Variants in DDX51 observed in about 807,000 individuals in gnomAD.
DDX51 encodes the protein ATP-dependent RNA helicase DDX51.
A neutral mutation model predicts 74.6 loss-of-function variants in DDX51; 67 were observed. That is an observed-to-expected ratio of 0.90 (90% CI 0.74 to 1.10). The LOEUF (loss-of-function observed/expected upper bound fraction) is 1.10, where lower values mean the gene tolerates loss of function less well. Among genes scored for constraint, DDX51 ranks in the 50% least tolerant of loss-of-function variants. The pLI is 0.00. For synonymous variants in DDX51, 545 were observed against 402.9 expected, an observed-to-expected ratio of 1.35 and a Z score of -4.22; for missense variants, 1,056 against 905.2, an observed-to-expected ratio of 1.17 and a Z score of -2.14.
At position 132,142,436 on chromosome 12, in the gene DDX51, G is replaced by T; in HGVS notation, c.671-14C>A. 6.2e-7 allele frequency: 1 copy of T among 1,610,074 alleles called. No homozygotes were observed. ...CAGCTGCCTGGACTGGATGAGGAAA[G>T]GCGAGAGAGAAGTCGTGTTTACGCC... On this transcript the variant is annotated splice_polypyrimidine_tract_variant and intron_variant, in intron 3 of 14. Transcript: ENST00000397333.
chr12:132,141,169 T>C (rs1897443195), intron 8 of DDX51, 106 bp downstream of exon 8: 2 of 1,503,196 alleles, frequency 1.3e-6, no homozygotes, highest in African/African-American at 1.4e-5. Context: ...TGCGGTTCTG[T>C]GCACCAGAGC....
Position 132,141,313 on chromosome 12 carries a change from C to T in DDX51, c.1212G>A (p.Leu404=), listed in dbSNP as rs1167259614. Residue 404 remains leucine, a synonymous_variant, in exon 8 of 15, where the codon CTG becomes CTA. Coordinates refer to ENST00000397333, the MANE Select transcript of DDX51 (RefSeq NM_175066.4). ...QSEDPADPCA[L]LQRRQAQAVT... is the part of the protein sequence containing the mutation. The stretch of plus-strand genomic sequence containing the variant: ...CAGCCTGGGCCTGCCTTCGCTGGAG[C>T]AGGGCACAGGGGTCCGCGGGGTCCT... 2 of 1,598,192 alleles carry T rather than the reference C, an allele frequency of 1.3e-6. No homozygotes were observed. Among genetic ancestry groups the T allele is most frequent in the East Asian group, 2.2e-5 (1 of 44,848 alleles).
At position 132,139,985 on chromosome 12, in the gene DDX51, G is replaced by A. The variant is rs189746991; in HGVS notation, c.1776-61C>T. The A allele has an allele frequency of 2.6e-5, 42 of 1,610,454 alleles. No individual in the cohort carries two copies. In the East Asian group the frequency reaches 4.7e-4, roughly 18 times the overall value. ...TGAGCCTTCAAGAGTCTGACGGAAC[G>A]ACAGCTTCTCTCCACACCAACCCCA... On this transcript the variant is annotated intron_variant, in intron 12 of 14. Coordinates refer to ENST00000397333, the MANE Select transcript of DDX51 (RefSeq NM_175066.4).
intron 5 of DDX51, 61 bp downstream of exon 5, chr12:132,142,058 G>C: frequency 2.5e-6 from 4 of 1,588,874 alleles, no homozygotes; most frequent in Non-Finnish European, 3.4e-6. Flanking sequence ...GCTGATCGCT[G>C]TGCACTCAGC....
Position 132,137,484 on chromosome 12 carries a change from G to C in DDX51, c.*1788C>G, listed in dbSNP as rs537158511. On this transcript the variant is annotated 3_prime_UTR_variant, in exon 15 of 15. Coordinates refer to ENST00000397333, the MANE Select transcript of DDX51 (RefSeq NM_175066.4). The stretch of plus-strand genomic sequence containing the variant: ...CCTAAATCATTTCTTTCTGCCTCCT[G>C]TAACAGTCGCCTTTTGTGTTCTGCT... 2.6e-5 allele frequency: 4 copies of C among 152,364 alleles called. No individual in the cohort carries two copies. Among genetic ancestry groups the C allele is most frequent in the African/African-American group, 9.6e-5 (4 of 41,570 alleles). 9.4% of individuals were successfully genotyped at this position (152,364 alleles called of 1,614,324 possible).
chr12:132,141,053 C>A (rs755455585), intron 8 of DDX51, 33 bp from the exon 9 acceptor site: 2 of 1,561,848 alleles, frequency 1.3e-6, no homozygotes, highest in South Asian at 1.2e-5. Context: ...TGGCACCCTA[C>A]CAGTGGCTGC....
At chr12:132,143,971 G>A (rs1025279121) in intron 1 of DDX51, 22 bp downstream of exon 1, 1 of 1,431,346 alleles carries the variant, frequency 7.0e-7, no homozygotes, top group Non-Finnish European at 9.1e-7. Flanking sequence ...CCCAGAGGGA[G>A]CCCGCTCGCC....
chr12:132,141,732 T>C, intron 6 of DDX51, 118 bp downstream of exon 6: 6 of 1,454,870 alleles, frequency 4.1e-6, no homozygotes, highest in Non-Finnish European at 5.6e-6. Flanking sequence ...GAGCTCCTCC[T>C]CTTCACGGGA....
chr12:132,142,650 G>A (rs80018323), intron 3 of DDX51, 78 bp downstream of exon 3: 23,548 of 1,571,378 alleles, frequency 0.015, 283 homozygotes, highest in East Asian at 0.043. Context: ...AGGGACGCCT[G>A]ACCCACGGCC....
Position 132,141,520 on chromosome 12 carries a change from C to G in DDX51, c.1082G>C (p.Ser361Thr). ...VDHIDQTPGF[S>T]LQQLRFLIID... is the part of the protein sequence containing the mutation. Reference sequence around the variant, plus strand: ...TACCAGGAAGCGGAGCTGCTGGAGGCTGAATCCTGGGGTCTGGTCGATGTG... The same window carrying G: ...TACCAGGAAGCGGAGCTGCTGGAGGGTGAATCCTGGGGTCTGGTCGATGTG... The change falls in exon 7 of 15, where the codon AGC becomes ACC. Residue 361 changes from serine (S) to threonine (T), a missense_variant. Transcript: ENST00000397333. The G allele has an allele frequency of 6.3e-7, 1 of 1,599,206 alleles. No individual in the cohort carries two copies. The highest frequency in any genetic ancestry group is 8.5e-7 in the Non-Finnish European group (1 of 1,175,800).
At position 132,143,928 on chromosome 12, in the gene DDX51, C is replaced by A; in HGVS notation, c.305-19G>T. 1 of 1,510,836 alleles carries A rather than the reference C, an allele frequency of 6.6e-7. No homozygotes were observed. Among genetic ancestry groups the A allele is most frequent in the South Asian group, 1.2e-5 (1 of 81,848 alleles). 93.6% of individuals were successfully genotyped at this position (1,510,836 alleles called of 1,614,324 possible). A position where few individuals can be genotyped will look rare whatever the true frequency, so the allele number is the denominator to read the frequency against. On this transcript the variant is annotated intron_variant, in intron 1 of 14. Transcript: ENST00000397333. ...TTGCTTTCTGCGAGGCAGACACCCACCCGGCAGCGCGTCAGCACCGAGTCG... is the reference window on the plus strand; with the variant it reads ...TTGCTTTCTGCGAGGCAGACACCCAACCGGCAGCGCGTCAGCACCGAGTCG...
chr12:132,143,061 C>G (rs1469630670), intron 2 of DDX51, 183 bp from the exon 3 acceptor site: 3 of 729,412 alleles, frequency 4.1e-6, no homozygotes, highest in Non-Finnish European at 6.7e-6. Flanking sequence ...AGATGCCACT[C>G]CCTGAGCAAA....
rs772505039 is a variant in DDX51, at chr12:132,142,269, A to G, written c.816+8T>C. The stretch of plus-strand genomic sequence containing the variant: ...CCCGCTGTAGAGAAAGGGGACCCTC[A>G]CACAGACCTGCACCACAGGGATGAC... On this transcript the variant is annotated splice_region_variant and intron_variant, in intron 4 of 14. Coordinates refer to ENST00000397333, the MANE Select transcript of DDX51 (RefSeq NM_175066.4). The G allele has an allele frequency of 3.7e-6, 6 of 1,612,726 alleles. No individual in the cohort carries two copies. Among genetic ancestry groups the G allele is most frequent in the South Asian group, 1.1e-5 (1 of 91,042 alleles).
rs1565952992 is a variant in DDX51 at position 132,139,867 on chromosome 12, T to C, written c.1833A>G (p.Lys611=). 4 of 1,613,222 alleles carry C rather than the reference T, an allele frequency of 2.5e-6. No individual in the cohort carries two copies. The highest frequency in any genetic ancestry group is 3.4e-6 in the Non-Finnish European group (4 of 1,180,012). The change falls in exon 13 of 15, where the codon AAA becomes AAG. Residue 611 remains lysine (K), a synonymous_variant. Coordinates refer to ENST00000397333, the MANE Select transcript of DDX51 (RefSeq NM_175066.4). ...AAGACCCTCGCAGCCTCACCTGCAC[T>C]TTCAGGAGCAGTGTGAAGGCCTGTC... ...KTGQAFTLLL[K]VQERRFLRML...
chr12:132,141,203 A>G lies in DDX51; in HGVS notation c.1250+72T>C, dbSNP rs369640615. On this transcript the variant is annotated intron_variant, in intron 8 of 14. Coordinates refer to ENST00000397333, the MANE Select transcript of DDX51 (RefSeq NM_175066.4). ...GCTCAAGCCACCCTTATCTCTGGGCATTAAGGAAGGAGAGCTGTGTGCAGA... is the reference window on the plus strand; with the variant it reads ...GCTCAAGCCACCCTTATCTCTGGGCGTTAAGGAAGGAGAGCTGTGTGCAGA... 78 of 1,517,330 alleles carry G rather than the reference A, an allele frequency of 5.1e-5. No individual in the cohort carries two copies. The African/African-American group carries it at 7.7e-4, about 15-fold the overall frequency. 94.0% of individuals were successfully genotyped at this position (1,517,330 alleles called of 1,614,324 possible).
In DDX51 at chr12:132,139,261, T is replaced by C. The variant is rs554417191; in HGVS notation, c.*11A>G. The C allele has an allele frequency of 1.9e-6, 3 of 1,607,882 alleles. No individual in the cohort carries two copies. In the South Asian group the frequency reaches 3.3e-5, roughly 18 times the overall value. ...TGAGCGTTCAGTCCCTCCGGCCCTC[T>C]GAGCCCCAGCCTAGGCCGCCCTCTG... On this transcript the variant is annotated 3_prime_UTR_variant, in exon 15 of 15. Coordinates refer to ENST00000397333, the MANE Select transcript of DDX51 (RefSeq NM_175066.4).
Position 132,140,163 on chromosome 12 carries a change from G to A in DDX51, c.1710C>T (p.Asp570=), listed in dbSNP as rs765581676. The change falls in exon 12 of 15, where the codon GAC becomes GAT. Residue 570 remains aspartate (D), a synonymous_variant. Transcript: ENST00000397333. The part of the protein sequence containing the change: ...ISTDATARGI[D]VQGVELVVNY... The stretch of plus-strand genomic sequence containing the variant: ...TCACCACCAGCTCCACACCCTGCAC[G>A]TCGATGCCTCGCGCGGTGGCGTCCG... 23 of 1,612,776 alleles carry A rather than the reference G, an allele frequency of 1.4e-5. No individual in the cohort carries two copies. The East Asian group carries it at 2.2e-4, about 16-fold the overall frequency.
At chr12:132,142,980 G>C in intron 2 of DDX51, 102 bp from the exon 3 acceptor site, 3 of 1,506,338 alleles carry the variant, frequency 2.0e-6, no homozygotes, top group Non-Finnish European at 2.7e-6. Flanking sequence ...GGAAACCTCT[G>C]TCGTCTTCAG....
At chr12:132,143,040 A>G (rs1897537074) in intron 2 of DDX51, 162 bp from the exon 3 acceptor site, 2 of 916,630 alleles carry the variant, frequency 2.2e-6, no homozygotes, top group African/African-American at 3.3e-5. Context: ...CAGAAGTTAA[A>G]CAGTAAAAGC....
Sources: gnomAD v4.1 joint callset for allele counts on GRCh38, gnomAD v4.1.1 for gene constraint, MANE v1.5 for transcripts, NCBI Gene and HGNC (gene_info 2026-07-23, HGNC 2026-07-21) for gene names.